The following GRID1 variants were observed in gnomAD, a reference collection of about 807,000 sequenced individuals.
GRID1 encodes glutamate ionotropic receptor delta type subunit 1.
GRID1 carries 28 observed loss-of-function variants against 98.0 expected under a neutral mutation model. The observed-to-expected ratio is 0.29, with a 90% CI of 0.21 to 0.39. The LOEUF (loss-of-function observed/expected upper bound fraction) is 0.39, where lower values mean the gene tolerates loss of function less well. Among genes scored for constraint, GRID1 ranks in the 10% least tolerant of loss-of-function variants. GRID1 has a pLI of 1.00. For synonymous variants in GRID1, 553 were observed against 538.5 expected, an observed-to-expected ratio of 1.03 and a Z score of -0.37; for missense variants, 1,111 against 1,340.5, an observed-to-expected ratio of 0.83 and a Z score of 2.67.
rs114534421 is a variant in GRID1 at position 85,695,321 on chromosome 10, G to A, written c.1997+27682C>T. 5.7e-3 allele frequency among the ~76,000 whole-genome samples: 874 copies of A among 152,304 alleles called. 8 individuals carry two copies. The highest frequency in any genetic ancestry group is 0.02 in the African/African-American group (839 of 41,572). On this transcript the variant is annotated intron_variant, in intron 12 of 15. Coordinates refer to ENST00000327946, the MANE Select transcript of GRID1 (RefSeq NM_017551.3). ...GATGCTGTAGTTCTGGATGTGACAT[G>A]AGAGAAGTGGGTATGCACCCATCAT...
intron 2 of GRID1, among the ~76,000 whole-genome samples, chr10:86,352,168 C>T (rs10887583): frequency 0.098 from 14,924 of 152,228 alleles, 1,010 homozygotes; most frequent in South Asian, 0.24. Context: ...AAGACTGGTT[C>T]GAGATGAGAG....
intron 12 of GRID1, among the ~76,000 whole-genome samples, chr10:85,651,755 T>G (rs746493452): frequency 6.6e-6 from 1 of 152,150 alleles, no homozygotes; most frequent in Non-Finnish European, 1.5e-5. Flanking sequence ...CCTGCCAGAG[T>G]CTGCACTGGC....
intron 4 of GRID1, among the ~76,000 whole-genome samples, chr10:85,986,182 G>A (rs1229318303): frequency 2.0e-5 from 3 of 152,220 alleles, no homozygotes; most frequent in Non-Finnish European, 2.9e-5. Context: ...ATAAATGTAC[G>A]CTAAGAATTC....
intron 4 of GRID1, among the ~76,000 whole-genome samples, chr10:86,069,703 G>C (rs1843775234): frequency 6.6e-6 from 1 of 152,208 alleles, no homozygotes; most frequent in African/African-American, 2.4e-5. Flanking sequence ...GAACGGCCAA[G>C]AAGCTTCATC....
chr10:86,121,138 C>G (rs1186925517), intron 4 of GRID1, among the ~76,000 whole-genome samples: 2 of 152,188 alleles, frequency 1.3e-5, no homozygotes, highest in African/African-American at 4.8e-5. Flanking sequence ...GTGCAGACAA[C>G]ATCGTAAGTC....
chr10:85,879,207 A>G (rs1197182484), intron 5 of GRID1, among the ~76,000 whole-genome samples: 1 of 152,256 alleles, frequency 6.6e-6, no homozygotes, highest in South Asian at 2.1e-4. Context: ...CATTAGACAG[A>G]TCAACGAGAC....
At chr10:86,047,897 T>C (rs1283508799) in intron 4 of GRID1, among the ~76,000 whole-genome samples, 2 of 152,230 alleles carry the variant, frequency 1.3e-5, no homozygotes, top group East Asian at 1.9e-4. Flanking sequence ...ACTCTGCTGA[T>C]GAAGGCATTT....
At chr10:86,075,817 T>C (rs1268253701) in intron 4 of GRID1, among the ~76,000 whole-genome samples, 1 of 152,106 alleles carries the variant, frequency 6.6e-6, no homozygotes, top group South Asian at 2.1e-4. Context: ...TGGCCAGGAA[T>C]GTAAGGAAAC....
chr10:86,122,868 G>A (rs571291450), intron 4 of GRID1, among the ~76,000 whole-genome samples: 1 of 152,324 alleles, frequency 6.6e-6, no homozygotes, highest in East Asian at 1.9e-4. Context: ...GACAAGGGGG[G>A]AGCCCAGTTG....
intron 2 of GRID1, among the ~76,000 whole-genome samples, chr10:86,312,058 G>A (rs1399857341): frequency 6.6e-6 from 1 of 152,204 alleles, no homozygotes; most frequent in Non-Finnish European, 1.5e-5. Flanking sequence ...AAAGTGCCTT[G>A]TGGCTGACTG....
At chr10:85,854,715 C>A in intron 7 of GRID1, 100 bp from the exon 8 acceptor site, 1 of 1,246,284 alleles carries the variant, frequency 8.0e-7, no homozygotes, top group Admixed American at 1.8e-5. Flanking sequence ...AAGAACGGAG[C>A]AATCAGTTTT....
intron 5 of GRID1, among the ~76,000 whole-genome samples, chr10:85,914,139 G>A (rs945845296): frequency 5.9e-5 from 9 of 152,314 alleles, no homozygotes; most frequent in East Asian, 1.9e-4. Flanking sequence ...TAGGGGCACC[G>A]CACACTGGTT....
chr10:86,248,994 G>T (rs1033583779), intron 2 of GRID1, among the ~76,000 whole-genome samples: 1 of 152,206 alleles, frequency 6.6e-6, no homozygotes, highest in African/African-American at 2.4e-5. Flanking sequence ...CAGGGAGAAG[G>T]AGCCAGCCTG....
intron 4 of GRID1, among the ~76,000 whole-genome samples, chr10:86,011,919 A>G (rs1842927129): frequency 6.6e-6 from 1 of 152,210 alleles, no homozygotes; most frequent in South Asian, 2.1e-4. Flanking sequence ...GCACTTTGGG[A>G]GGCCGAAGCG....
At chr10:85,860,635 G>T (rs912944397) in intron 6 of GRID1, among the ~76,000 whole-genome samples, 1 of 152,180 alleles carries the variant, frequency 6.6e-6, no homozygotes, top group African/African-American at 2.4e-5. Flanking sequence ...CTCACACTAG[G>T]GTTGCAGCTT....
At chr10:86,211,198 G>A (rs946448021) in intron 2 of GRID1, among the ~76,000 whole-genome samples, 4 of 152,186 alleles carry the variant, frequency 2.6e-5, no homozygotes, top group Admixed American at 6.5e-5. Flanking sequence ...AGAAGTCATC[G>A]CTACCTAGGA....
At chr10:85,850,502 C>T (rs1843048264) in intron 8 of GRID1, among the ~76,000 whole-genome samples, 4 of 152,186 alleles carry the variant, frequency 2.6e-5, no homozygotes, top group South Asian at 2.1e-4. Context: ...TTGGCACTGC[C>T]CTGGCACACA....
chr10:85,967,843 G>A lies in GRID1; in HGVS notation c.727-51604C>T, dbSNP rs540906771. 1.2e-4 allele frequency among the ~76,000 whole-genome samples: 19 copies of A among 152,250 alleles called. No individual in the cohort carries two copies. In the East Asian group the frequency reaches 2.7e-3, roughly 22 times the overall value. On this transcript the variant is annotated intron_variant, in intron 4 of 15. Coordinates refer to ENST00000327946, the MANE Select transcript of GRID1 (RefSeq NM_017551.3). ...TGACTTCTCAGCAGAGACCATGGTG[G>A]CCAGAGGTAGTAAGATGACATGTTC...
intron 4 of GRID1, among the ~76,000 whole-genome samples, chr10:85,992,688 G>A (rs957651978): frequency 4.6e-5 from 7 of 152,136 alleles, no homozygotes; most frequent in Admixed American, 2.6e-4. Flanking sequence ...AGTGGCTCAC[G>A]TTTGTAATTC....
Sources: allele counts gnomAD v4.1 joint callset (sites outside exome capture counted in the v4.1 genomes callset), GRCh38; gene constraint gnomAD v4.1.1; transcripts MANE v1.5; gene names NCBI Gene and HGNC (gene_info 2026-07-23, HGNC 2026-07-21).